The following ATP2C2 variants were observed in gnomAD, a reference collection of about 807,000 sequenced individuals.
ATP2C2 encodes calcium-transporting ATPase type 2C member 2.
ATP2C2 carries 171 observed loss-of-function variants against 110.8 expected under a neutral mutation model. That is an observed-to-expected ratio of 1.54 (90% CI 1.36 to 1.75). The LOEUF (loss-of-function observed/expected upper bound fraction) is 1.75. Ranked by LOEUF, ATP2C2 falls within the 40% of genes most tolerant of loss-of-function variation. The pLI is 0.00. For missense variants in ATP2C2, 1,963 were observed against 1,235.0 expected, an observed-to-expected ratio of 1.59 and a Z score of -8.84; for synonymous variants, 804 against 508.4, an observed-to-expected ratio of 1.58 and a Z score of -7.82.
At chr16:84,401,663 T>G (rs1905331992) in intron 2 of ATP2C2, among the ~76,000 whole-genome samples, 1 of 152,150 alleles carries the variant, frequency 6.6e-6, no homozygotes. Context: ...TATATCTGGG[T>G]TCTCTATTCT....
At chr16:84,451,427 T>C (rs1371975138) in intron 17 of ATP2C2, among the ~76,000 whole-genome samples, 1 of 152,234 alleles carries the variant, frequency 6.6e-6, no homozygotes, top group Non-Finnish European at 1.5e-5. Context: ...TCTCCATCTG[T>C]TGTGCACCTG....
chr16:84,453,636 G>A (rs1448001082), intron 20 of ATP2C2, among the ~76,000 whole-genome samples: 1 of 152,198 alleles, frequency 6.6e-6, no homozygotes, highest in Non-Finnish European at 1.5e-5. Flanking sequence ...CCCTTGGCCA[G>A]AACACAGTCA....
intron 1 of ATP2C2, 61 bp downstream of exon 1, chr16:84,368,775 C>T (rs72804627): frequency 0.11 from 150,311 of 1,350,154 alleles, 8,741 homozygotes; most frequent in Non-Finnish European, 0.12. Flanking sequence ...TCCGTCGTAA[C>T]CGTCCCCGGC....
chr16:84,378,187 T>C (rs1398261450), intron 1 of ATP2C2, among the ~76,000 whole-genome samples: 2 of 152,176 alleles, frequency 1.3e-5, no homozygotes, highest in African/African-American at 4.8e-5. Context: ...TTCACCCCCA[T>C]GCACTTCTCA....
Position 84,398,535 on chromosome 16 carries a change from GAGA to G in ATP2C2, c.142_144del (p.Lys48del), listed in dbSNP as rs780849525. ...GAGTGAGCTGAAAGCCATCGAGAAA[GAGA>G]AGAAGGTGACAGCCCTGCCCCCCAA... On this transcript the variant is annotated inframe_deletion, in exon 2 of 27. Transcript: ENST00000262429. 6 of 1,613,322 alleles carry G rather than the reference GAGA, an allele frequency of 3.7e-6. No homozygotes were observed. Among genetic ancestry groups the G allele is most frequent in the East Asian group, 2.2e-5 (1 of 44,842 alleles).
intron 6 of ATP2C2, among the ~76,000 whole-genome samples, chr16:84,412,458 CTCCG>C (rs1483714383): frequency 2.9e-5 from 4 of 136,788 alleles, no homozygotes; most frequent in South Asian, 2.3e-4. Flanking sequence ...GTGTCTGTGT[CTCCG>C]TGTGTGTGTC....
intron 1 of ATP2C2, among the ~76,000 whole-genome samples, chr16:84,392,025 A>G (rs1000316695): frequency 1.3e-5 from 2 of 151,992 alleles, no homozygotes; most frequent in Admixed American, 1.3e-4. Context: ...CAAATCATAT[A>G]ACACCTCTTT....
At chr16:84,455,755 A>G (rs1910738023) in intron 21 of ATP2C2, among the ~76,000 whole-genome samples, 2 of 151,696 alleles carry the variant, frequency 1.3e-5, no homozygotes, top group Non-Finnish European at 1.5e-5. Context: ...CACTTAGAAA[A>G]AAAAAAAAAA....
intron 1 of ATP2C2, among the ~76,000 whole-genome samples, chr16:84,379,750 AGAGT>A (rs1910467821): frequency 6.6e-6 from 1 of 152,228 alleles, no homozygotes; most frequent in Non-Finnish European, 1.5e-5. Context: ...TAGAGACAAA[AGAGT>A]GAGCAAAGCG....
At chr16:84,383,461 G>A (rs573140381) in intron 1 of ATP2C2, among the ~76,000 whole-genome samples, 5 of 152,216 alleles carry the variant, frequency 3.3e-5, no homozygotes, top group Admixed American at 1.3e-4. Flanking sequence ...TATGTGCTCA[G>A]CCAATGCGGG....
At chr16:84,432,384 G>A (rs1008210108) in intron 11 of ATP2C2, among the ~76,000 whole-genome samples, 1 of 152,056 alleles carries the variant, frequency 6.6e-6, no homozygotes, top group East Asian at 1.9e-4. Context: ...CGTCATCTAG[G>A]TTTTAAGCCC....
chr16:84,443,920 A>C (rs1408262165), intron 15 of ATP2C2, among the ~76,000 whole-genome samples: 1 of 152,180 alleles, frequency 6.6e-6, no homozygotes, highest in Non-Finnish European at 1.5e-5. Flanking sequence ...AAATCCCAGC[A>C]CTTTAAGAGG....
At chr16:84,408,988 C>T (rs1283447456) in intron 4 of ATP2C2, among the ~76,000 whole-genome samples, 1 of 152,128 alleles carries the variant, frequency 6.6e-6, no homozygotes, top group East Asian at 1.9e-4. Flanking sequence ...ACATTTTCAT[C>T]ACCCAGAAGG....
chr16:84,461,428 C>T (rs150866337), intron 24 of ATP2C2: 5 of 547,600 alleles, frequency 9.1e-6, no homozygotes, highest in African/African-American at 7.6e-5. Flanking sequence ...ACTGGAGTGG[C>T]ATCACCTCCC....
In ATP2C2 at chr16:84,415,469, C is replaced by T; in HGVS notation, c.516-14C>T. 1 of 1,610,326 alleles carries T rather than the reference C, an allele frequency of 6.2e-7. No individual in the cohort carries two copies. The highest frequency in any genetic ancestry group is 1.1e-5 in the South Asian group (1 of 90,990). ...CAGCATGGATGCTTTTGCTTTTTAC[C>T]ATGTCAAATGCAGCCTAAGAGAAGG... is the stretch of plus-strand genomic sequence containing the variant. On this transcript the variant is annotated splice_polypyrimidine_tract_variant and intron_variant, in intron 6 of 26. Transcript: ENST00000262429.
At chr16:84,391,113 C>CAAAAAAAAAAAA (rs567509863) in intron 1 of ATP2C2, among the ~76,000 whole-genome samples, 3 of 73,280 alleles carry the variant, frequency 4.1e-5, no homozygotes, top group African/African-American at 5.9e-5. Flanking sequence ...GACTCAGACT[C>CAAAAAAAAAAAA]AAAAAAAAAA....
intron 11 of ATP2C2, among the ~76,000 whole-genome samples, chr16:84,437,700 G>A (rs1908870779): frequency 6.6e-6 from 1 of 152,122 alleles, no homozygotes; most frequent in African/African-American, 2.4e-5. Context: ...ATTTTTAGTA[G>A]AGATGGGGTT....
chr16:84,383,063 C>T (rs527421387), intron 1 of ATP2C2, among the ~76,000 whole-genome samples: 59 of 152,258 alleles, frequency 3.9e-4, no homozygotes, highest in Middle Eastern at 3.4e-3. Context: ...TGGGATCCAG[C>T]GCTGGGCCTG....
Position 84,405,111 on chromosome 16 carries a change from C to G in ATP2C2, c.211-17C>G, listed in dbSNP as rs777812855. 1 of 1,609,528 alleles carries G rather than the reference C, an allele frequency of 6.2e-7. No homozygotes were observed. The highest frequency in any genetic ancestry group is 1.1e-5 in the South Asian group (1 of 90,980). ...GCTGCGCCCATGAGTGAGCTTGTGCCTGACCTCTCCTTCCAGGTGGACTTA... is the reference window on the plus strand; with the variant it reads ...GCTGCGCCCATGAGTGAGCTTGTGCGTGACCTCTCCTTCCAGGTGGACTTA... On this transcript the variant is annotated splice_polypyrimidine_tract_variant and intron_variant, in intron 2 of 26. Coordinates refer to ENST00000262429, the MANE Select transcript of ATP2C2 (RefSeq NM_014861.4).
Sources: gnomAD v4.1 joint callset for allele counts (sites outside exome capture counted in the v4.1 genomes callset) on GRCh38, gnomAD v4.1.1 for gene constraint, MANE v1.5 for transcripts, NCBI Gene and HGNC (gene_info 2026-07-23, HGNC 2026-07-21) for gene names.